The following MORN1 variants were observed in gnomAD, a reference collection of about 807,000 sequenced individuals.
The protein encoded by MORN1 is MORN repeat-containing protein 1.
A neutral mutation model predicts 61.9 loss-of-function variants in MORN1; 67 were observed. The ratio of observed to expected loss-of-function variants is 1.08; its 90% confidence interval spans 0.89 to 1.33. MORN1 has a LOEUF of 1.33. Among genes scored for constraint, MORN1 ranks in the 40% most tolerant of loss-of-function variants. The pLI is 0.00. For synonymous variants in MORN1, 301 were observed against 292.0 expected (o/e 1.03, Z -0.31); for missense variants, 752 against 691.2 (o/e 1.09, Z -0.99).
intron 13 of MORN1, 132 bp from the exon 14 acceptor site, chr1:2,321,711 C>T (rs1569893577): frequency 1.6e-6 from 2 of 1,251,736 alleles, no homozygotes; most frequent in East Asian, 5.9e-5. Flanking sequence ...TGCCTGGGTT[C>T]TGGGATTCTT....
chr1:2,325,056 C>A (rs1187497584), intron 12 of MORN1, among the ~76,000 whole-genome samples: 2 of 150,058 alleles, frequency 1.3e-5, no homozygotes, highest in Admixed American at 1.3e-4. Flanking sequence ...CCTCCCCGGG[C>A]AGTGAGATGC....
chr1:2,366,235 C>A (rs896561522), intron 8 of MORN1, among the ~76,000 whole-genome samples: 2 of 150,334 alleles, frequency 1.3e-5, no homozygotes. Context: ...GAACAAAAAA[C>A]CAAACACCGC....
At chr1:2,364,657 A>T (rs7539098) in intron 8 of MORN1, among the ~76,000 whole-genome samples, 76,142 of 147,232 alleles carry the variant, frequency 0.52, 20,275 homozygotes, top group Admixed American at 0.64. Context: ...CTGAATGGTA[A>T]AGCCTAGGTT....
intron 6 of MORN1, chr1:2,378,470 CCA>C (rs1642293381): frequency 5.9e-6 from 1 of 169,886 alleles, no homozygotes; most frequent in Non-Finnish European, 1.3e-5. Context: ...TTGGGCATTC[CCA>C]CACACGCCCA....
intron 12 of MORN1, among the ~76,000 whole-genome samples, chr1:2,331,175 A>G (rs1184418448): frequency 6.6e-6 from 1 of 152,170 alleles, no homozygotes; most frequent in Non-Finnish European, 1.5e-5. Context: ...CCAGGTGGAC[A>G]TGGGGCACAT....
intron 10 of MORN1, among the ~76,000 whole-genome samples, chr1:2,349,668 G>A (rs1641604524): frequency 1.3e-5 from 2 of 152,036 alleles, no homozygotes; most frequent in Non-Finnish European, 2.9e-5. Flanking sequence ...ATCACCCCAC[G>A]AGGCAATGAA....
intron 1 of MORN1, chr1:2,390,677 G>A (rs1642629177): frequency 1.0e-6 from 1 of 985,332 alleles, no homozygotes; most frequent in Non-Finnish European, 1.2e-6. Flanking sequence ...TCTACCTGAA[G>A]ATAGTAGTGT....
At chr1:2,321,986 A>C in intron 13 of MORN1, 10 of 904,972 alleles carry the variant, frequency 1.1e-5, no homozygotes, top group Non-Finnish European at 1.2e-5. Flanking sequence ...GAGAAAAATA[A>C]TTCATTCCCT....
chr1:2,331,995 C>CCTCGTG (rs1641166691), intron 12 of MORN1: 2 of 173,150 alleles, frequency 1.2e-5, no homozygotes, highest in East Asian at 3.9e-4. Context: ...TGCGCCTCTC[C>CCTCGTG]CGCCGCTGCG....
chr1:2,374,643 A>AG, intron 6 of MORN1, 86 bp from the exon 7 acceptor site: 2 of 1,174,268 alleles, frequency 1.7e-6, no homozygotes, highest in Non-Finnish European at 2.5e-6. Context: ...TCCTGGTGCT[A>AG]CAGCAGGGCC....
Position 2,323,823 on chromosome 1 carries a change from G to A in MORN1, c.1297+274C>T, listed in dbSNP as rs552000622. 38 of 985,110 alleles carry A rather than the reference G, an allele frequency of 3.9e-5. No individual in the cohort carries two copies. The South Asian group carries it at 6.1e-4, about 16-fold the overall frequency. The allele number at this position is 985,110 out of a possible 1,614,324, so 61.0% of individuals were successfully genotyped here. ...CCGAGTCCCCGTGCTCCCTGCCCCCGTGGCTTCCTCCTTTCTAGGACATTC... is the reference window on the plus strand; with the variant it reads ...CCGAGTCCCCGTGCTCCCTGCCCCCATGGCTTCCTCCTTTCTAGGACATTC... On this transcript the variant is annotated intron_variant, in intron 13 of 13. Coordinates refer to ENST00000378531, the MANE Select transcript of MORN1 (RefSeq NM_024848.3).
chr1:2,375,033 T>C (rs1005344900), intron 6 of MORN1: 6 of 153,036 alleles, frequency 3.9e-5, no homozygotes, highest in African/African-American at 1.4e-4. Flanking sequence ...TTTGAAAAAA[T>C]GTGCCCGTGA....
intron 10 of MORN1, among the ~76,000 whole-genome samples, chr1:2,353,220 C>T (rs562679463): frequency 5.3e-5 from 8 of 152,362 alleles, no homozygotes; most frequent in South Asian, 2.1e-4. Context: ...TTTGAGAATG[C>T]GAAGTTCATG....
chr1:2,325,146 C>T (rs113820358), intron 12 of MORN1, among the ~76,000 whole-genome samples: 1,540 of 18,930 alleles, frequency 0.081, 19 homozygotes, highest in Middle Eastern at 0.13. Context: ...CTCCCTCCCT[C>T]CCTTCCTTCC....
intron 6 of MORN1, chr1:2,379,253 G>C (rs1219279398): frequency 4.6e-6 from 2 of 432,534 alleles, no homozygotes; most frequent in Non-Finnish European, 9.5e-6. Flanking sequence ...CCAAGGGCAT[G>C]ATCCGAGGTG....
At chr1:2,388,107 G>A (rs1049426674) in intron 3 of MORN1, 132 bp downstream of exon 3, 22 of 687,802 alleles carry the variant, frequency 3.2e-5, no homozygotes, top group African/African-American at 2.7e-4. Context: ...AGGGCTTCTC[G>A]GTAGGCCAGG....
intron 13 of MORN1, 94 bp downstream of exon 13, chr1:2,324,003 G>A (rs577056868): frequency 7.8e-5 from 115 of 1,465,142 alleles, no homozygotes; most frequent in Admixed American, 1.8e-4. Flanking sequence ...GCCCCGGGCC[G>A]AGTTCCCCCA....
At chr1:2,347,667 G>A (rs979082445) in intron 10 of MORN1, among the ~76,000 whole-genome samples, 29 of 152,148 alleles carry the variant, frequency 1.9e-4, no homozygotes, top group African/African-American at 5.8e-4. Flanking sequence ...GTGGCTGCCC[G>A]TGCGATGCTC....
chr1:2,390,896 C>A (rs549510055), intron 1 of MORN1: 5 of 316,854 alleles, frequency 1.6e-5, no homozygotes, highest in Non-Finnish European at 2.3e-5. Flanking sequence ...CTACAGGAGG[C>A]ACCACCCCGG....
Sources: gnomAD v4.1 joint callset for allele counts (sites outside exome capture counted in the v4.1 genomes callset) on GRCh38, gnomAD v4.1.1 for gene constraint, MANE v1.5 for transcripts, NCBI Gene and HGNC (gene_info 2026-07-23, HGNC 2026-07-21) for gene names.